The following TSPAN11 variants were observed in gnomAD, a reference collection of about 807,000 sequenced individuals.
TSPAN11 encodes tetraspanin 11.
TSPAN11 carries 29 observed loss-of-function variants against 32.9 expected under a neutral mutation model. The observed-to-expected ratio is 0.88, with a 90% CI of 0.66 to 1.20. TSPAN11 has a LOEUF of 1.20. TSPAN11 is among the 50% of genes most tolerant of loss of function. The pLI is 0.00. For synonymous variants in TSPAN11, 140 were observed against 141.3 expected, an observed-to-expected ratio of 0.99 and a Z score of 0.07; for missense variants, 283 against 329.1, an observed-to-expected ratio of 0.86 and a Z score of 1.08.
At chr12:30,935,598 G>A (rs1274904716) in intron 1 of TSPAN11, among the ~76,000 whole-genome samples, 1 of 152,092 alleles carries the variant, frequency 6.6e-6, no homozygotes, top group Non-Finnish European at 1.5e-5. Context: ...TGGCCAGGCT[G>A]GTCTTGAAGT....
the TSPAN11 span, among the ~76,000 whole-genome samples, chr12:31,008,545 G>C: frequency 6.6e-6 from 1 of 152,184 alleles, no homozygotes; most frequent in Admixed American, 6.5e-5. Context: ...TGCCCCAGCT[G>C]CTCCAGCCCC....
chr12:30,986,923 CTT>C (rs1939211710), intron 7 of TSPAN11: 1 of 152,146 alleles, frequency 6.6e-6, no homozygotes, highest in African/African-American at 2.4e-5. Context: ...AGACCTGTCT[CTT>C]CATTTTTCTT....
chr12:30,930,779 G>A (rs1176723941), intron 1 of TSPAN11, among the ~76,000 whole-genome samples: 3 of 152,224 alleles, frequency 2.0e-5, no homozygotes, highest in Non-Finnish European at 4.4e-5. Context: ...TAGTCAGGGG[G>A]TCTGTGGCGT....
intron 1 of TSPAN11, among the ~76,000 whole-genome samples, chr12:30,927,899 C>A (rs1937835230): frequency 6.6e-6 from 1 of 152,122 alleles, no homozygotes; most frequent in African/African-American, 2.4e-5. Flanking sequence ...ATCTGTCTCC[C>A]AAGGGACTGG....
At chr12:30,978,532 T>C (rs1939020206) in intron 3 of TSPAN11, 29 bp from the exon 4 acceptor site, 1 of 1,612,078 alleles carries the variant, frequency 6.2e-7, no homozygotes, top group African/African-American at 1.3e-5. Flanking sequence ...CCGATCCCAG[T>C]GGTGACCGTC....
rs565303317 is a variant in TSPAN11 at position 30,949,555 on chromosome 12, A to C, written c.-11-4426A>C. 8.4e-4 allele frequency among the ~76,000 whole-genome samples: 128 copies of C among 152,300 alleles called. 5 individuals are homozygous for C. The South Asian group carries it at 0.026, about 30-fold the overall frequency. ...ACTATCATGAGAATAGTACGTGAGA[A>C]TAGTATGTGAAAGACTGGCCCCCAT... On this transcript the variant is annotated intron_variant, in intron 1 of 7. Coordinates refer to ENST00000546076, the MANE Select transcript of TSPAN11 (RefSeq NM_001370302.1).
intron 3 of TSPAN11, among the ~76,000 whole-genome samples, chr12:30,971,067 A>T (rs1336985209): frequency 6.6e-6 from 1 of 152,140 alleles, no homozygotes; most frequent in Non-Finnish European, 1.5e-5. Flanking sequence ...CCTCCCTGCA[A>T]CTTAACCTTG....
At chr12:30,963,119 AAAAAGTT>A (rs1938646546) in intron 2 of TSPAN11, among the ~76,000 whole-genome samples, 1 of 152,202 alleles carries the variant, frequency 6.6e-6, no homozygotes, top group Admixed American at 6.5e-5. Flanking sequence ...ACAATTAGCA[AAAAAGTT>A]TCTCCTCCTG....
At chr12:30,987,998 G>T (rs1364151661) in intron 7 of TSPAN11, among the ~76,000 whole-genome samples, 2 of 152,252 alleles carry the variant, frequency 1.3e-5, no homozygotes, top group African/African-American at 4.8e-5. Context: ...CTGCAGGCTG[G>T]GGCAGAGGCT....
At chr12:31,009,032 C>T in the TSPAN11 span, among the ~76,000 whole-genome samples, 321 of 152,296 alleles carry the variant, frequency 2.1e-3, 1 homozygote, top group East Asian at 0.039. Flanking sequence ...CTGTGTTAGA[C>T]GAGCTAAATC....
chr12:30,984,336 A>T (rs913969329), intron 7 of TSPAN11, among the ~76,000 whole-genome samples: 16 of 152,184 alleles, frequency 1.1e-4, no homozygotes, highest in Non-Finnish European at 1.6e-4. Context: ...CATCTGCAAA[A>T]TGTGGACCAT....
chr12:30,953,863 C>T, intron 1 of TSPAN11, 118 bp from the exon 2 acceptor site: 1 of 679,314 alleles, frequency 1.5e-6, no homozygotes, highest in East Asian at 2.7e-5. Flanking sequence ...GCCTCAAAGC[C>T]CCCGGCAGAT....
Position 30,957,709 on chromosome 12 carries a change from T to C in TSPAN11, c.84+3634T>C, listed in dbSNP as rs867958126. On this transcript the variant is annotated intron_variant, in intron 2 of 7. Coordinates refer to ENST00000546076, the MANE Select transcript of TSPAN11 (RefSeq NM_001370302.1). ...CCTGCCTCCCTCCCTCCCTCCCTCC[T>C]TCCTTCCTTCCTTCCTTCCCTCCTT... Among the ~76,000 whole-genome samples the C allele has an allele frequency of 1.6e-3, 57 of 35,590 alleles. 1 individual carries two copies. Among genetic ancestry groups the C allele is most frequent in the South Asian group, 3.2e-3 (2 of 616 alleles). The allele number at this position is 35,590 out of a possible 152,430, so 23.3% of individuals were successfully genotyped here.
At chr12:30,953,633 G>A (rs770968079) in intron 1 of TSPAN11, among the ~76,000 whole-genome samples, 21 of 152,222 alleles carry the variant, frequency 1.4e-4, no homozygotes, top group Non-Finnish European at 2.1e-4. Context: ...GTGTGTGTGC[G>A]TGTAGGACAG....
At chr12:30,984,463 T>G (rs1369606683) in intron 7 of TSPAN11, among the ~76,000 whole-genome samples, 1 of 152,054 alleles carries the variant, frequency 6.6e-6, no homozygotes, top group Non-Finnish European at 1.5e-5. Context: ...TTCTGTAGAC[T>G]TCAGAGGATT....
chr12:30,954,994 TAGAAGCATCTCAG>T (rs1938451907), intron 2 of TSPAN11: 1 of 152,230 alleles, frequency 6.6e-6, no homozygotes. Context: ...GACAGAGTCT[TAGAAGCATCTCAG>T]AAAGGCAAAT....
chr12:31,011,501 A>G, the TSPAN11 span, among the ~76,000 whole-genome samples: 1 of 152,184 alleles, frequency 6.6e-6, no homozygotes, highest in African/African-American at 2.4e-5. Context: ...GGCACTCCCA[A>G]AATCAAAAAT....
intron 3 of TSPAN11, among the ~76,000 whole-genome samples, chr12:30,964,661 G>C (rs548034568): frequency 6.6e-6 from 1 of 152,292 alleles, no homozygotes; most frequent in East Asian, 1.9e-4. Flanking sequence ...ATCTGTTAGA[G>C]TTTCAGTGTG....
intron 3 of TSPAN11, among the ~76,000 whole-genome samples, chr12:30,971,018 TCACA>T (rs1189880692): frequency 6.6e-6 from 1 of 152,128 alleles, no homozygotes; most frequent in Non-Finnish European, 1.5e-5. Context: ...TGTAATCCTC[TCACA>T]CACAGAGCCA....
Sources: gnomAD v4.1 joint callset for allele counts (sites outside exome capture counted in the v4.1 genomes callset) on GRCh38, gnomAD v4.1.1 for gene constraint, MANE v1.5 for transcripts, NCBI Gene and HGNC (gene_info 2026-07-23, HGNC 2026-07-21) for gene names.